The following YLPM1 variants were observed in gnomAD, a reference collection of about 807,000 sequenced individuals.
YLPM1 encodes YLP motif-containing protein 1.
In YLPM1, 99 loss-of-function variants were observed where a neutral mutation model predicts 230.0. The observed-to-expected ratio is 0.43, with a 90% CI of 0.37 to 0.51. The LOEUF (loss-of-function observed/expected upper bound fraction) is 0.51. Among genes scored for constraint, YLPM1 ranks in the 20% least tolerant of loss-of-function variants. The pLI is 0.00. For missense variants in YLPM1, 2,592 were observed against 2,707.7 expected (o/e 0.96, Z 0.95); for synonymous variants, 984 against 942.5 (o/e 1.04, Z -0.81).
intron 6 of YLPM1, among the ~76,000 whole-genome samples, chr14:74,807,514 T>C (rs562688650): frequency 6.6e-6 from 1 of 152,294 alleles, no homozygotes; most frequent in South Asian, 2.1e-4. Flanking sequence ...AGACCCCGTC[T>C]TTACCAAAGA....
intron 11 of YLPM1, among the ~76,000 whole-genome samples, chr14:74,814,154 G>C (rs2091457675): frequency 6.6e-6 from 1 of 152,192 alleles, no homozygotes; most frequent in Non-Finnish European, 1.5e-5. Flanking sequence ...GAGGTCAGGA[G>C]ATTGAGACCA....
intron 6 of YLPM1, among the ~76,000 whole-genome samples, chr14:74,803,435 C>T (rs151271559): frequency 1.1e-4 from 17 of 152,254 alleles, no homozygotes; most frequent in African/African-American, 3.9e-4. Context: ...CTCTACTGAA[C>T]CATTTCATCA....
intron 9 of YLPM1, among the ~76,000 whole-genome samples, chr14:74,811,226 A>G (rs571352640): frequency 6.6e-6 from 1 of 152,274 alleles, no homozygotes; most frequent in South Asian, 2.1e-4. Flanking sequence ...TCACGCCTGT[A>G]ATCCTAGCAC....
In YLPM1 at chr14:74,763,970, T is replaced by A. The variant is rs766374065; in HGVS notation, c.481T>A (p.Ser161Thr). The change falls in exon 1 of 21, where the codon TCT becomes ACT. Residue 161 changes from serine (S) to threonine (T), a missense_variant. Transcript: ENST00000325680. The stretch of plus-strand genomic sequence containing the variant: ...GCCGCCTGGGTCCTATATGCCCCCA[T>A]CTCAGTCTTACATGCCCCCACCTCA... Reference protein sequence around the residue: ...PVPPGSYMPPSQSYMPPPQPP... With the variant: ...PVPPGSYMPPTQSYMPPPQPP... The A allele has an allele frequency of 7.7e-7, 1 of 1,298,492 alleles. No homozygotes were observed. Among genetic ancestry groups the A allele is most frequent in the African/African-American group, 1.9e-5 (1 of 53,384 alleles). 80.4% of individuals were successfully genotyped at this position (1,298,492 alleles called of 1,614,324 possible). A position where few individuals can be genotyped will look rare whatever the true frequency, so the allele number is the denominator to read the frequency against.
rs771239258 is a variant in YLPM1, at chr14:74,809,674, C to T, written c.4816C>T (p.Pro1606Ser). 1.9e-6 allele frequency: 3 copies of T among 1,613,918 alleles called. No individual in the cohort carries two copies. The highest frequency in any genetic ancestry group is 2.5e-6 in the Non-Finnish European group (3 of 1,179,898). ...KSETAAIPSA[P>S]VLPPPPVHSS... ...AGAAACTGCAGCAATTCCATCTGCT[C>T]CAGTATTACCACCCCCACCTGTTCA... The change falls in exon 7 of 21, where the codon CCA (proline) becomes TCA (serine). Residue 1606 changes from proline (P) to serine (S), a missense_variant. This residue lies in a region of YLPM1 where 403 missense variants were observed against 426.7 expected (regional missense o/e 0.94). Coordinates refer to ENST00000325680, the MANE Select transcript of YLPM1 (RefSeq NM_019589.3).
chr14:74,820,381 T>G (rs1594842593), intron 16 of YLPM1, among the ~76,000 whole-genome samples: 1 of 152,160 alleles, frequency 6.6e-6, no homozygotes, highest in East Asian at 1.9e-4. Context: ...CCTGAGTAGC[T>G]GAGACTACAG....
At position 74,764,130 on chromosome 14, in the gene YLPM1, C is replaced by G; in HGVS notation, c.641C>G (p.Ser214Trp). Residue 214 changes from serine (S) to tryptophan (W), a missense_variant, in exon 1 of 21, where the codon TCG becomes TGG. Physicochemically the swap from Ser to Trp is radical, Grantham distance 177. Coordinates refer to ENST00000325680, the MANE Select transcript of YLPM1 (RefSeq NM_019589.3). Reference protein sequence around the residue: ...TPSYSSSSSSSQSYLSHSQSY... With the variant: ...TPSYSSSSSSWQSYLSHSQSY... ...TCTTACTCATCCTCCTCCTCTTCCT[C>G]GCAATCCTATTTGAGCCATTCCCAG... The G allele has an allele frequency of 6.2e-7, 1 of 1,613,574 alleles. No homozygotes were observed. The highest frequency in any genetic ancestry group is 1.3e-5 in the African/African-American group (1 of 74,842).
At chr14:74,809,106 A>C (rs1365659647) in intron 6 of YLPM1, among the ~76,000 whole-genome samples, 1 of 146,782 alleles carries the variant, frequency 6.8e-6, no homozygotes, top group Admixed American at 6.7e-5. Flanking sequence ...TTTTGGCCAT[A>C]GTTTTTTTTT....
intron 11 of YLPM1, among the ~76,000 whole-genome samples, chr14:74,815,847 G>GT (rs1408890046): frequency 6.6e-6 from 1 of 151,642 alleles, no homozygotes; most frequent in Non-Finnish European, 1.5e-5. Flanking sequence ...GGTGTGTTGT[G>GT]TTTTTTTCAT....
At position 74,799,162 on chromosome 14, in the gene YLPM1, G is replaced by A. The variant is rs2140111258; in HGVS notation, c.3865G>A (p.Asp1289Asn). Residue 1289 changes from aspartate to asparagine, a missense_variant, in exon 5 of 21, where the codon GAT becomes AAT. Coordinates refer to ENST00000325680, the MANE Select transcript of YLPM1 (RefSeq NM_019589.3). ...GGAAATGGAAAGGGACATGGACAGG[G>A]ATGTGGATCGGATTTCAAGACCTAT... ...NREMERDMDRDVDRISRPMDM... is the reference protein window; with the variant it reads ...NREMERDMDRNVDRISRPMDM... 6.2e-7 allele frequency: 1 copy of A among 1,613,946 alleles called. No individual in the cohort carries two copies. The highest frequency in any genetic ancestry group is 1.6e-4 in the Middle Eastern group (1 of 6,062).
intron 11 of YLPM1, 105 bp downstream of exon 11, chr14:74,812,887 A>G (rs2091447363): frequency 1.1e-5 from 15 of 1,380,492 alleles, no homozygotes; most frequent in Non-Finnish European, 1.4e-5. Flanking sequence ...TAGTAATAAT[A>G]TCAGATTCAA....
intron 19 of YLPM1, among the ~76,000 whole-genome samples, chr14:74,830,218 T>G (rs2091597649): frequency 1.3e-5 from 2 of 152,274 alleles, no homozygotes; most frequent in East Asian, 3.9e-4. Flanking sequence ...GAAACCAGTT[T>G]GGAGCAGATT....
At position 74,809,977 on chromosome 14, in the gene YLPM1, A is replaced by G. The variant is rs756528633; in HGVS notation, c.5007A>G (p.Leu1669=). 1.5e-5 allele frequency: 24 copies of G among 1,607,510 alleles called. No homozygotes were observed. The Middle Eastern group carries it at 1.3e-3, about 88-fold the overall frequency. The change falls in exon 8 of 21, where the codon CTA becomes CTG. Residue 1669 remains leucine (L), a synonymous_variant. Coordinates refer to ENST00000325680, the MANE Select transcript of YLPM1 (RefSeq NM_019589.3). The part of the protein sequence containing the change: ...GERITLRPDP[L]PERSTFETEH... ...GAATAACTCTACGCCCAGATCCACT[A>G]CCTGAAAGATCAACTTTTGAGACAG...
At chr14:74,778,827 G>A (rs1269588111) in intron 2 of YLPM1, 144 bp downstream of exon 2, 2 of 665,674 alleles carry the variant, frequency 3.0e-6, no homozygotes, top group Non-Finnish European at 5.1e-6. Context: ...GATGTCTGTT[G>A]TATCAGGTTT....
chr14:74,814,509 A>G (rs531670813), intron 11 of YLPM1, among the ~76,000 whole-genome samples: 1 of 152,334 alleles, frequency 6.6e-6, no homozygotes, highest in African/African-American at 2.4e-5. Flanking sequence ...GTGTCAGTTG[A>G]GATGATCGTG....
chr14:74,792,483 G>GATA (rs751726569), intron 4 of YLPM1, among the ~76,000 whole-genome samples: 3 of 152,104 alleles, frequency 2.0e-5, no homozygotes, highest in Non-Finnish European at 4.4e-5. Context: ...CCTTTAAAGA[G>GATA]ATACAGTTTA....
At chr14:74,815,561 CAAAA>C (rs746833102) in intron 11 of YLPM1, among the ~76,000 whole-genome samples, 1 of 114,176 alleles carries the variant, frequency 8.8e-6, no homozygotes. Context: ...GACTCCATCT[CAAAA>C]AAAAAAAAAA....
At chr14:74,770,274 G>A (rs1423762693) in intron 1 of YLPM1, among the ~76,000 whole-genome samples, 3 of 151,434 alleles carry the variant, frequency 2.0e-5, no homozygotes, top group African/African-American at 7.3e-5. Flanking sequence ...TTTAAGCCCA[G>A]GAGTTCTCGT....
At chr14:74,811,474 C>A (rs573306276) in intron 9 of YLPM1, 146 bp from the exon 10 acceptor site, 2 of 566,490 alleles carry the variant, frequency 3.5e-6, no homozygotes, top group African/African-American at 3.9e-5. Flanking sequence ...CAAAGTAAGA[C>A]CCCAATCTCA....
Sources: gnomAD v4.1 joint callset for allele counts (sites outside exome capture counted in the v4.1 genomes callset) on GRCh38, gnomAD v4.1.1 for gene constraint, gnomAD v4.1.1 regional missense constraint, MANE v1.5 for transcripts, NCBI Gene and HGNC (gene_info 2026-07-23, HGNC 2026-07-21) for gene names.